The following NALF1 variants were observed in gnomAD, a reference collection of about 807,000 sequenced individuals.
The protein encoded by NALF1 is NALCN channel auxiliary factor 1.
A neutral mutation model predicts 48.4 loss-of-function variants in NALF1; 3 were observed. The ratio of observed to expected loss-of-function variants is 0.06; its 90% confidence interval spans 0.03 to 0.16. NALF1 has a LOEUF of 0.16. Ranked by LOEUF, NALF1 falls within the 10% of genes least tolerant of loss-of-function variation. NALF1 has a pLI of 1.00. For synonymous variants in NALF1, 262 were observed against 245.7 expected (o/e 1.07, Z -0.62); for missense variants, 526 against 571.5 (o/e 0.92, Z 0.81).
intron 1 of NALF1, among the ~76,000 whole-genome samples, chr13:107,501,243 A>G (rs550778254): frequency 6.6e-6 from 1 of 152,108 alleles, no homozygotes; most frequent in African/African-American, 2.4e-5. Flanking sequence ...ACATTAATCT[A>G]TTCCTGAGGC....
Position 107,164,357 on chromosome 13 carries a change from T to C in NALF1, c.*6140A>G, listed in dbSNP as rs1566437550. 1 of 152,162 alleles carries C rather than the reference T, an allele frequency of 6.6e-6. No individual in the cohort carries two copies. Among genetic ancestry groups the C allele is most frequent in the Non-Finnish European group, 1.5e-5 (1 of 68,034 alleles). The allele number at this position is 152,162 out of a possible 1,614,324, so 9.4% of individuals were successfully genotyped here. On this transcript the variant is annotated 3_prime_UTR_variant, in exon 3 of 3. Transcript: ENST00000375915. ...TCTAACTTTTTCACTGTTATTTCAT[T>C]CTATAATAATTATAGTGTTAATTAA... is the stretch of plus-strand genomic sequence containing the variant.
chr13:107,447,162 T>C (rs1487315466), intron 1 of NALF1, among the ~76,000 whole-genome samples: 2 of 152,200 alleles, frequency 1.3e-5, no homozygotes, highest in East Asian at 1.9e-4. Context: ...TCCTCCTTCC[T>C]CTTCTCCTTG....
intron 1 of NALF1, among the ~76,000 whole-genome samples, chr13:107,572,186 T>A (rs1057248727): frequency 6.6e-6 from 1 of 151,248 alleles, no homozygotes; most frequent in African/African-American, 2.4e-5. Context: ...ATTGCATTTA[T>A]GGGAAATAAT....
At chr13:107,694,718 C>T (rs1359492016) in intron 1 of NALF1, among the ~76,000 whole-genome samples, 2 of 151,850 alleles carry the variant, frequency 1.3e-5, no homozygotes, top group African/African-American at 4.8e-5. Flanking sequence ...CTGCATATAT[C>T]AAACTTCACT....
chr13:107,558,697 G>A (rs1167950360), intron 1 of NALF1, among the ~76,000 whole-genome samples: 1 of 152,156 alleles, frequency 6.6e-6, no homozygotes, highest in African/African-American at 2.4e-5. Context: ...GGTAAAACAT[G>A]ATTTCTGGGG....
intron 1 of NALF1, among the ~76,000 whole-genome samples, chr13:107,837,988 A>G (rs781597599): frequency 1.3e-5 from 2 of 152,066 alleles, no homozygotes; most frequent in Non-Finnish European, 2.9e-5. Flanking sequence ...ATGGTTTTAT[A>G]TTTTTCTTAA....
intron 1 of NALF1, among the ~76,000 whole-genome samples, chr13:107,403,188 C>CTTTT (rs10710356): frequency 1.6e-4 from 7 of 42,484 alleles, no homozygotes; most frequent in Admixed American, 4.4e-4. Flanking sequence ...CTTGTTCGGG[C>CTTTT]TTTTTTTTTT....
At chr13:107,483,255 A>T (rs914578719) in intron 1 of NALF1, among the ~76,000 whole-genome samples, 1 of 152,180 alleles carries the variant, frequency 6.6e-6, no homozygotes, top group African/African-American at 2.4e-5. Context: ...AGTGCATATA[A>T]ATCTCATTAA....
At chr13:107,731,038 T>A (rs1876295342) in intron 1 of NALF1, among the ~76,000 whole-genome samples, 1 of 152,192 alleles carries the variant, frequency 6.6e-6, no homozygotes, top group South Asian at 2.1e-4. Flanking sequence ...TGAGTGAGCA[T>A]GAAAGCTGTT....
chr13:107,368,933 A>G (rs1883200395), intron 1 of NALF1, among the ~76,000 whole-genome samples: 1 of 152,140 alleles, frequency 6.6e-6, no homozygotes, highest in Admixed American at 6.5e-5. Context: ...TACTCTACCT[A>G]TTAACTCACC....
intron 1 of NALF1, among the ~76,000 whole-genome samples, chr13:107,503,743 GTGTGTGTGTT>G (rs1440930831): frequency 0.062 from 1,653 of 26,740 alleles, 30 homozygotes; most frequent in African/African-American, 0.097. Flanking sequence ...TGTGTGTCTG[GTGTGTGTGTT>G]TGTGTGTGTG....
chr13:107,534,009 AAGGGAG>A (rs955648782), intron 1 of NALF1, among the ~76,000 whole-genome samples: 61 of 152,206 alleles, frequency 4.0e-4, no homozygotes, highest in African/African-American at 1.4e-3. Context: ...TTACCTGTAA[AAGGGAG>A]AGGGAGACTG....
intron 1 of NALF1, among the ~76,000 whole-genome samples, chr13:107,334,067 T>G (rs1235193886): frequency 2.0e-5 from 3 of 152,194 alleles, no homozygotes; most frequent in Non-Finnish European, 4.4e-5. Flanking sequence ...CTCAGAAAAT[T>G]TAGAAACACA....
chr13:107,412,776 T>C (rs1884014537), intron 1 of NALF1, among the ~76,000 whole-genome samples: 1 of 152,204 alleles, frequency 6.6e-6, no homozygotes, highest in African/African-American at 2.4e-5. Flanking sequence ...TTAACCAATG[T>C]TGTGAGGGCA....
At chr13:107,327,041 G>A (rs1342226047) in intron 1 of NALF1, among the ~76,000 whole-genome samples, 1 of 152,192 alleles carries the variant, frequency 6.6e-6, no homozygotes, top group Non-Finnish European at 1.5e-5. Context: ...ACACATTGAA[G>A]GTTTCTGTCA....
At chr13:107,639,926 C>G (rs1455009925) in intron 1 of NALF1, among the ~76,000 whole-genome samples, 1 of 152,110 alleles carries the variant, frequency 6.6e-6, no homozygotes, top group Non-Finnish European at 1.5e-5. Context: ...CTTGAATATA[C>G]AAATATTTGA....
intron 1 of NALF1, among the ~76,000 whole-genome samples, chr13:107,828,968 T>C (rs1288891842): frequency 6.6e-6 from 1 of 152,204 alleles, no homozygotes; most frequent in Non-Finnish European, 1.5e-5. Flanking sequence ...TGCACTGTTT[T>C]ATTTTTTCTG....
intron 1 of NALF1, among the ~76,000 whole-genome samples, chr13:107,589,994 T>G (rs191729353): frequency 6.6e-6 from 1 of 152,142 alleles, no homozygotes; most frequent in East Asian, 1.9e-4. Context: ...TTTACTTGAA[T>G]GGAATTAAAT....
intron 1 of NALF1, among the ~76,000 whole-genome samples, chr13:107,754,852 G>A (rs967369621): frequency 1.3e-5 from 2 of 152,138 alleles, no homozygotes; most frequent in African/African-American, 4.8e-5. Flanking sequence ...TATTAGAAAG[G>A]AGAGAAGAAA....
Sources: gnomAD v4.1 joint callset for allele counts (sites outside exome capture counted in the v4.1 genomes callset) on GRCh38, gnomAD v4.1.1 for gene constraint, MANE v1.5 for transcripts, NCBI Gene and HGNC (gene_info 2026-07-23, HGNC 2026-07-21) for gene names.